KIR2DL1: variants seen among roughly 807,000 people sequenced by gnomAD.
KIR2DL1 encodes killer cell immunoglobulin-like receptor 2DL1.
KIR2DL1 carries 38 observed loss-of-function variants against 33.9 expected under a neutral mutation model. The observed-to-expected ratio is 1.12, with a 90% CI of 0.86 to 1.47. The LOEUF is 1.47. KIR2DL1 is among the 40% of genes most tolerant of loss of function. KIR2DL1 has a pLI of 0.00. For synonymous variants in KIR2DL1, 179 were observed against 165.9 expected, an observed-to-expected ratio of 1.08 and a Z score of -0.61; for missense variants, 531 against 433.9, an observed-to-expected ratio of 1.22 and a Z score of -1.99.
Position 54,773,351 on chromosome 19 carries a change from C to A in KIR2DL1, c.89C>A (p.Ser30Tyr). Residue 30 changes from serine to tyrosine, a missense_variant, in exon 3 of 8, where the codon TCC becomes TAC. Ser to Tyr is a moderately radical substitution (Grantham distance 144). Coordinates refer to ENST00000336077, the MANE Select transcript of KIR2DL1 (RefSeq NM_014218.3). ...WPHEGVHRKP[S>Y]LLAHPGRLVK... ...TTCCTAGGAGTCCACAGAAAACCTTCCCTCCTGGCCCACCCAGGTCGCCTG... is the reference window on the plus strand; with the variant it reads ...TTCCTAGGAGTCCACAGAAAACCTTACCTCCTGGCCCACCCAGGTCGCCTG... 2.5e-6 allele frequency: 4 copies of A among 1,598,894 alleles called. No individual in the cohort carries two copies. The highest frequency in any genetic ancestry group is 3.4e-6 in the Non-Finnish European group (4 of 1,170,494).
At chr19:54,777,893 G>A (rs1398237857) in intron 4 of KIR2DL1, among the ~76,000 whole-genome samples, 2 of 147,998 alleles carry the variant, frequency 1.4e-5, no homozygotes, top group Non-Finnish European at 1.5e-5. Context: ...GCATGTAGAT[G>A]TCCAGGTTTC....
intron 2 of KIR2DL1, among the ~76,000 whole-genome samples, chr19:54,771,352 G>C (rs1182021599): frequency 1.3e-5 from 2 of 148,336 alleles, no homozygotes; most frequent in African/African-American, 4.9e-5. Flanking sequence ...TGTCTACCCT[G>C]TGTTGTTTTA....
intron 5 of KIR2DL1, 63 bp from the exon 6 acceptor site, chr19:54,782,859 G>C (rs563702040): frequency 2.6e-6 from 4 of 1,557,674 alleles, no homozygotes; most frequent in Non-Finnish European, 2.7e-6. Context: ...CAAGAAATGC[G>C]AGACAATTCA....
chr19:54,784,100 A>C lies in KIR2DL1; in HGVS notation c.*287A>C. ...CTCCAACCTAACTGGCTTACTTCCT[A>C]GTCTACTTGAGGCTGCAATCACACT... is the stretch of plus-strand genomic sequence containing the variant. On this transcript the variant is annotated 3_prime_UTR_variant, in exon 8 of 8. Coordinates refer to ENST00000336077, the MANE Select transcript of KIR2DL1 (RefSeq NM_014218.3). 1 of 563,178 alleles carries C rather than the reference A, an allele frequency of 1.8e-6. No homozygotes were observed. The highest frequency in any genetic ancestry group is 3.2e-6 in the Non-Finnish European group (1 of 316,358). The allele number at this position is 563,178 out of a possible 1,614,324, so 34.9% of individuals were successfully genotyped here. A position where few individuals can be genotyped will look rare whatever the true frequency, so the allele number is the denominator to read the frequency against.
chr19:54,780,918 T>G (rs2076863193), intron 5 of KIR2DL1, among the ~76,000 whole-genome samples: 1 of 103,524 alleles, frequency 9.7e-6, no homozygotes, highest in East Asian at 2.3e-4. Context: ...CTCACGCCTG[T>G]AACCTAGCAC....
Position 54,773,465 on chromosome 19 carries a change from A to G in KIR2DL1, c.203A>G (p.Asp68Gly). Residue 68 changes from aspartate to glycine, a missense_variant, in exon 3 of 8, where the codon GAC (aspartate) becomes GGC (glycine). By Grantham distance (94) the Asp-to-Gly change is moderately conservative. Coordinates refer to ENST00000336077, the MANE Select transcript of KIR2DL1 (RefSeq NM_014218.3). ...CTGCACAGAGAGGGGATGTTTAACG[A>G]CACTTTGCGCCTCATTGGAGAACAC... ...FLLHREGMFN[D>G]TLRLIGEHHD... is the part of the protein sequence containing the mutation. 6.3e-7 allele frequency: 1 copy of G among 1,587,362 alleles called. No individual in the cohort carries two copies. Among genetic ancestry groups the G allele is most frequent in the Non-Finnish European group, 8.6e-7 (1 of 1,159,000 alleles).
intron 4 of KIR2DL1, among the ~76,000 whole-genome samples, chr19:54,777,041 A>C (rs2076432610): frequency 6.6e-6 from 1 of 151,644 alleles, no homozygotes; most frequent in Non-Finnish European, 1.5e-5. Context: ...TTTCTCTACC[A>C]CCTTGCCAGC....
chr19:54,782,968 C>T lies in KIR2DL1; in HGVS notation c.762C>T (p.Ile254=), dbSNP rs761782704. 5.6e-6 allele frequency: 9 copies of T among 1,612,322 alleles called. No individual in the cohort carries two copies. The highest frequency in any genetic ancestry group is 7.6e-6 in the Non-Finnish European group (9 of 1,179,562). The part of the protein sequence containing the change: ...LHILIGTSVV[I]ILFILLFFLL... ...TTCTGATTGGGACCTCAGTGGTCAT[C>T]ATCCTCTTCATCCTCCTCTTCTTTC... Residue 254 remains isoleucine, a synonymous_variant, in exon 6 of 8, where the codon ATC becomes ATT. Coordinates refer to ENST00000336077, the MANE Select transcript of KIR2DL1 (RefSeq NM_014218.3).
At chr19:54,771,474 G>T (rs1366404447) in intron 2 of KIR2DL1, among the ~76,000 whole-genome samples, 2 of 142,554 alleles carry the variant, frequency 1.4e-5, no homozygotes, top group African/African-American at 5.2e-5. Flanking sequence ...TTGCGGGATG[G>T]GTCCTTCCTT....
At chr19:54,783,261 G>C (rs1196090410) in intron 6 of KIR2DL1, among the ~76,000 whole-genome samples, 1 of 151,772 alleles carries the variant, frequency 6.6e-6, no homozygotes, top group Non-Finnish European at 1.5e-5. Flanking sequence ...CCAGGAGAAG[G>C]TTCCATGACA....
At position 54,770,994 on chromosome 19, in the gene KIR2DL1, C is replaced by T. The variant is rs2075651118; in HGVS notation, c.70+110C>T. The T allele has an allele frequency of 1.4e-5, 21 of 1,456,836 alleles. No homozygotes were observed. In the South Asian group the frequency reaches 1.5e-4, roughly 10 times the overall value. The allele number at this position is 1,456,836 out of a possible 1,614,324, so 90.2% of individuals were successfully genotyped here. A position where few individuals can be genotyped will look rare whatever the true frequency, so the allele number is the denominator to read the frequency against. ...CTCTCATAAACTAGGAAGAAGGGAC[C>T]CTGGGGTGCTGGGCCCACATTTCTG... On this transcript the variant is annotated intron_variant, in intron 2 of 7. Coordinates refer to ENST00000336077, the MANE Select transcript of KIR2DL1 (RefSeq NM_014218.3).
At chr19:54,770,787 G>C in intron 1 of KIR2DL1, 62 bp from the exon 2 acceptor site, 1 of 1,566,030 alleles carries the variant, frequency 6.4e-7, no homozygotes, top group South Asian at 1.1e-5. Context: ...AGCCCAGTGG[G>C]GGCAGCAAGG....
At chr19:54,770,642 G>C (rs1008873530) in intron 1 of KIR2DL1, among the ~76,000 whole-genome samples, 3 of 148,212 alleles carry the variant, frequency 2.0e-5, no homozygotes, top group African/African-American at 7.4e-5. Context: ...CTGGAGTGGA[G>C]ATATGGGCTT....
In KIR2DL1 at chr19:54,772,892, C is replaced by G. The variant is rs1327627920; in HGVS notation, c.71-441C>G. Among the ~76,000 whole-genome samples the G allele has an allele frequency of 1.4e-5, 2 of 145,292 alleles. 1 individual carries two copies. The highest frequency in any genetic ancestry group is 5.0e-5 in the African/African-American group (2 of 39,710). ...TGGCATGGCAAGAGTGGCTCCCAGT[C>G]CCTACCAGGAACAGGGTGTGTGGCC... On this transcript the variant is annotated intron_variant, in intron 2 of 7. Coordinates refer to ENST00000336077, the MANE Select transcript of KIR2DL1 (RefSeq NM_014218.3).
At chr19:54,777,080 G>A (rs1209563876) in intron 4 of KIR2DL1, among the ~76,000 whole-genome samples, 2 of 151,570 alleles carry the variant, frequency 1.3e-5, no homozygotes, top group Non-Finnish European at 2.9e-5. Flanking sequence ...GCAGCTAAAA[G>A]CCATTTTATT....
intron 5 of KIR2DL1, among the ~76,000 whole-genome samples, chr19:54,779,639 A>G (rs368682867): frequency 2.6e-3 from 360 of 138,370 alleles, no homozygotes; most frequent in South Asian, 3.2e-3. Context: ...ATTAGCAACC[A>G]TAATTCCATC....
intron 1 of KIR2DL1, among the ~76,000 whole-genome samples, chr19:54,770,180 G>A (rs1163671343): frequency 2.1e-5 from 3 of 143,182 alleles, no homozygotes; most frequent in African/African-American, 7.7e-5. Flanking sequence ...CCTGGAGGTG[G>A]AGATATGGGC....
chr19:54,780,392 G>A lies in KIR2DL1; in HGVS notation c.715+1730G>A, dbSNP rs1301243385. On this transcript the variant is annotated intron_variant, in intron 5 of 7. Coordinates refer to ENST00000336077, the MANE Select transcript of KIR2DL1 (RefSeq NM_014218.3). ...AGGTGAAAACAATCTGATGTGGAAG[G>A]AAGAGGCTCTGACTCAAATGCTGGG... Among the ~76,000 whole-genome samples the A allele has an allele frequency of 1.5e-5, 2 of 134,672 alleles. 1 individual carries two copies. The highest frequency in any genetic ancestry group is 3.9e-4 in the East Asian group (2 of 5,072). The allele number at this position is 134,672 out of a possible 152,430, so 88.4% of individuals were successfully genotyped here. A position where few individuals can be genotyped will look rare whatever the true frequency, so the allele number is the denominator to read the frequency against.
chr19:54,771,523 C>T lies in KIR2DL1; in HGVS notation c.70+639C>T, dbSNP rs1281988198. Among the ~76,000 whole-genome samples the T allele has an allele frequency of 1.2e-3, 163 of 134,864 alleles. 2 individuals are homozygous for T. The highest frequency in any genetic ancestry group is 2.4e-3 in the African/African-American group (85 of 35,720). 88.5% of individuals were successfully genotyped at this position (134,864 alleles called of 152,430 possible). On this transcript the variant is annotated intron_variant, in intron 2 of 7. Transcript: ENST00000336077. ...CAAGGTGTGATAGCAGCCATAGAAA[C>T]TTGGAAAGCGAGGAGAATCTTCAGA...
Sources: gnomAD v4.1 joint callset for allele counts (sites outside exome capture counted in the v4.1 genomes callset) on GRCh38, gnomAD v4.1.1 for gene constraint, MANE v1.5 for transcripts, NCBI Gene and HGNC (gene_info 2026-07-23, HGNC 2026-07-21) for gene names.